The following AP4E1 variants were observed in gnomAD, a reference collection of about 807,000 sequenced individuals.
The protein encoded by AP4E1 is AP-4 complex subunit epsilon-1.
A neutral mutation model predicts 128.2 loss-of-function variants in AP4E1; 56 were observed. The ratio of observed to expected loss-of-function variants is 0.44; its 90% CI spans 0.35 to 0.55. AP4E1 has a LOEUF of 0.55. AP4E1 is among the 20% of genes least tolerant of loss of function. AP4E1 has a pLI of 0.00. For missense variants in AP4E1, 1,324 were observed against 1,307.7 expected (o/e 1.01, Z -0.19); for synonymous variants, 484 against 473.1 (o/e 1.02, Z -0.30).
At chr15:50,987,668 C>T (rs1274525726) in intron 16 of AP4E1, among the ~76,000 whole-genome samples, 4 of 152,144 alleles carry the variant, frequency 2.6e-5, no homozygotes, top group Non-Finnish European at 4.4e-5. Context: ...ATCTGAGAGA[C>T]AGTTTGTTAT....
intron 8 of AP4E1, among the ~76,000 whole-genome samples, chr15:50,937,083 T>C (rs1156327413): frequency 1.3e-5 from 2 of 152,268 alleles, no homozygotes; most frequent in Non-Finnish European, 2.9e-5. Context: ...TATGCTTTTC[T>C]CTATATCTGT....
intron 3 of AP4E1, among the ~76,000 whole-genome samples, chr15:50,920,386 T>C (rs1169636309): frequency 6.6e-5 from 10 of 151,176 alleles, no homozygotes; most frequent in Admixed American, 6.6e-4. Context: ...GTGCTGGGAT[T>C]ACAGGCGTAA....
chr15:50,912,149 G>A lies in AP4E1; in HGVS notation c.222G>A (p.Leu74=). The change falls in exon 2 of 21, where the codon CTG becomes CTA. Residue 74 remains leucine (L), a splice_region_variant and synonymous_variant. Coordinates refer to ENST00000261842, the MANE Select transcript of AP4E1 (RefSeq NM_007347.5). ...KATVSAPTTT[L]KMMKECMVRL... ...CTGTTTCTGCTCCTACTACAACACT[G>A]GTAGGTTTGCATAGTCAGTGCCAAC... 1 of 1,612,726 alleles carries A rather than the reference G, an allele frequency of 6.2e-7. No homozygotes were observed. Among genetic ancestry groups the A allele is most frequent in the Non-Finnish European group, 8.5e-7 (1 of 1,178,986 alleles).
At chr15:50,921,227 C>T (rs1443805415) in intron 3 of AP4E1, among the ~76,000 whole-genome samples, 1 of 151,972 alleles carries the variant, frequency 6.6e-6, no homozygotes, top group African/African-American at 2.4e-5. Context: ...TGGCCTCAAG[C>T]AGTCCTCCCA....
At chr15:50,989,986 C>G (rs1417238738) in intron 16 of AP4E1, among the ~76,000 whole-genome samples, 1 of 151,984 alleles carries the variant, frequency 6.6e-6, no homozygotes, top group Non-Finnish European at 1.5e-5. Context: ...TTTTACAGTC[C>G]CTGGCAACCT....
At chr15:50,946,276 T>A (rs1022491867) in intron 10 of AP4E1, among the ~76,000 whole-genome samples, 1 of 152,236 alleles carries the variant, frequency 6.6e-6, no homozygotes, top group Non-Finnish European at 1.5e-5. Flanking sequence ...ATATTCTCTC[T>A]GATCTATTAT....
chr15:50,914,890 C>T (rs758821670), intron 2 of AP4E1, among the ~76,000 whole-genome samples: 3 of 152,058 alleles, frequency 2.0e-5, no homozygotes, highest in Non-Finnish European at 2.9e-5. Flanking sequence ...TCATGCCCCT[C>T]AGTTTATAAT....
intron 16 of AP4E1, among the ~76,000 whole-genome samples, chr15:50,986,984 G>T (rs2064735530): frequency 6.6e-6 from 1 of 152,146 alleles, no homozygotes; most frequent in Admixed American, 6.6e-5. Context: ...CTCAATTTCA[G>T]AGCCTGTTAT....
intron 10 of AP4E1, chr15:50,944,602 G>A (rs1359572599): frequency 3.9e-6 from 1 of 255,374 alleles, no homozygotes; most frequent in East Asian, 8.9e-5. Flanking sequence ...AAAAAAATCA[G>A]GCAGTGGACA....
Position 50,949,849 on chromosome 15 carries a change from T to G in AP4E1, c.1340T>G (p.Phe447Cys), listed in dbSNP as rs565727348. The G allele has an allele frequency of 6.2e-6, 10 of 1,613,566 alleles. No individual in the cohort carries two copies. Among genetic ancestry groups the G allele is most frequent in the Middle Eastern group, 1.7e-4 (1 of 6,054 alleles). The change falls in exon 12 of 21, where the codon TTT (phenylalanine) becomes TGT (cysteine). Residue 447 changes from phenylalanine to cysteine, a missense_variant. Phe to Cys is a radical substitution (Grantham distance 205). Coordinates refer to ENST00000261842, the MANE Select transcript of AP4E1 (RefSeq NM_007347.5). The part of the protein sequence containing the change: ...AEKYAPDNAW[F>C]IQTMNAVFSV... ...ACATATGCTCCTGATAATGCATGGTTTATTCAGACAATGAATGCTGTGTTT... is the reference window on the plus strand; with the variant it reads ...ACATATGCTCCTGATAATGCATGGTGTATTCAGACAATGAATGCTGTGTTT...
intron 14 of AP4E1, 57 bp from the exon 15 acceptor site, chr15:50,968,206 A>G (rs1596491803): frequency 5.2e-6 from 6 of 1,144,118 alleles, no homozygotes; most frequent in East Asian, 5.2e-5. Context: ...ATGTGACTAT[A>G]TAATCTACTT....
At chr15:50,929,417 G>A (rs1220409469) in intron 6 of AP4E1, among the ~76,000 whole-genome samples, 3 of 151,214 alleles carry the variant, frequency 2.0e-5, no homozygotes, top group Non-Finnish European at 4.4e-5. Context: ...AATGGTATCA[G>A]TGGAAGGTGT....
intron 11 of AP4E1, among the ~76,000 whole-genome samples, chr15:50,949,532 C>T (rs2064115378): frequency 6.6e-6 from 1 of 151,888 alleles, no homozygotes; most frequent in African/African-American, 2.4e-5. Context: ...CCATTATTTG[C>T]ATCTAGTTAG....
chr15:50,990,714 A>G (rs1437917029), intron 16 of AP4E1, among the ~76,000 whole-genome samples: 1 of 152,150 alleles, frequency 6.6e-6, no homozygotes, highest in Non-Finnish European at 1.5e-5. Flanking sequence ...GTCTGTATGT[A>G]TGCTTAACAG....
chr15:51,002,455 T>G, intron 20 of AP4E1, 47 bp from the exon 21 acceptor site: 1 of 1,599,958 alleles, frequency 6.3e-7, no homozygotes, highest in South Asian at 1.1e-5. Context: ...AAATGTCTGT[T>G]TAACTCCTTT....
intron 15 of AP4E1, among the ~76,000 whole-genome samples, chr15:50,973,324 A>G (rs965863588): frequency 1.3e-5 from 2 of 152,240 alleles, no homozygotes; most frequent in African/African-American, 4.8e-5. Flanking sequence ...AGTTATGAAC[A>G]TTATTAATAG....
intron 10 of AP4E1, chr15:50,945,132 G>T (rs1246085424): frequency 2.3e-5 from 19 of 812,718 alleles, no homozygotes; most frequent in Non-Finnish European, 6.7e-6. Flanking sequence ...AGGAAAGACA[G>T]TGTATACTGG....
chr15:50,925,033 T>C (rs1274028291), intron 4 of AP4E1, 65 bp from the exon 5 acceptor site: 16 of 1,593,576 alleles, frequency 1.0e-5, no homozygotes, highest in Middle Eastern at 1.7e-4. Context: ...CATTACAGTG[T>C]TGAATTTGCC....
intron 8 of AP4E1, among the ~76,000 whole-genome samples, chr15:50,935,533 G>A (rs776721490): frequency 6.6e-6 from 1 of 152,126 alleles, no homozygotes; most frequent in Non-Finnish European, 1.5e-5. Context: ...TGAGGAAATT[G>A]AGATATTTGG....
Sources: allele counts gnomAD v4.1 joint callset (sites outside exome capture counted in the v4.1 genomes callset), GRCh38; gene constraint gnomAD v4.1.1; transcripts MANE v1.5; gene names NCBI Gene and HGNC (gene_info 2026-07-23, HGNC 2026-07-21).